Variants in EPHA7 observed in about 807,000 individuals in gnomAD.
The protein encoded by EPHA7 is EPH receptor A7, also known as ephrin type-A receptor 7.
Under a neutral mutation model 112.6 loss-of-function variants are expected in EPHA7, and 25 were observed. The observed-to-expected ratio is 0.22, with a 90% CI of 0.16 to 0.31. The LOEUF (loss-of-function observed/expected upper bound fraction) is 0.31, where lower values mean the gene tolerates loss of function less well. Ranked by LOEUF, EPHA7 falls within the 10% of genes least tolerant of loss-of-function variation. EPHA7 has a pLI of 1.00. For synonymous variants in EPHA7, 437 were observed against 406.5 expected, an observed-to-expected ratio of 1.07 and a Z score of -0.90; for missense variants, 962 against 1,212.6, an observed-to-expected ratio of 0.79 and a Z score of 3.07.
intron 5 of EPHA7, among the ~76,000 whole-genome samples, chr6:93,315,216 A>G (rs568367463): frequency 4.4e-4 from 67 of 152,314 alleles, no homozygotes; most frequent in Middle Eastern, 3.4e-3. Flanking sequence ...GTAAATATAT[A>G]TTATCAAAAT....
chr6:93,307,545 T>C (rs547388696), intron 5 of EPHA7, among the ~76,000 whole-genome samples: 1 of 152,248 alleles, frequency 6.6e-6, no homozygotes, highest in South Asian at 2.1e-4. Context: ...CAATGAAAAC[T>C]AAAAAATAAT....
At chr6:93,359,607 T>C (rs1229989851) in intron 3 of EPHA7, among the ~76,000 whole-genome samples, 3 of 152,000 alleles carry the variant, frequency 2.0e-5, no homozygotes, top group Non-Finnish European at 4.4e-5. Context: ...CTGCGGGGCA[T>C]GGAAAGCAAG....
intron 5 of EPHA7, among the ~76,000 whole-genome samples, chr6:93,302,491 A>G (rs1389057531): frequency 6.6e-6 from 1 of 152,006 alleles, no homozygotes; most frequent in Non-Finnish European, 1.5e-5. Context: ...ATTACTTCCT[A>G]TCATTCTCAC....
rs572762800 is a variant in EPHA7, at chr6:93,318,597, C to T, written c.1324+38120G>A. On this transcript the variant is annotated intron_variant, in intron 5 of 16. Transcript: ENST00000369303. The stretch of plus-strand genomic sequence containing the variant: ...TTTAAAGACAACTGCTTTTAATAAA[C>T]AGTAGACATAAAAGTACTATGTCAT... 1.4e-3 allele frequency among the ~76,000 whole-genome samples: 209 copies of T among 151,954 alleles called. 2 individuals carry two copies. The highest frequency in any genetic ancestry group is 4.9e-3 in the African/African-American group (204 of 41,470).
intron 3 of EPHA7, among the ~76,000 whole-genome samples, chr6:93,398,910 T>C (rs1008979981): frequency 1.3e-5 from 2 of 152,094 alleles, no homozygotes; most frequent in South Asian, 2.1e-4. Context: ...GTCAGGTTTA[T>C]TTTGCAAACT....
At chr6:93,394,764 A>T (rs1473841789) in intron 3 of EPHA7, among the ~76,000 whole-genome samples, 6 of 151,864 alleles carry the variant, frequency 4.0e-5, no homozygotes, top group Non-Finnish European at 8.8e-5. Context: ...AATTAGATGC[A>T]GATCTGTCCT....
In EPHA7 at chr6:93,419,257, C is replaced by T. The variant is rs1779409784; in HGVS notation, c.85G>A (p.Ala29Thr). 6.2e-7 allele frequency: 1 copy of T among 1,613,428 alleles called. No homozygotes were observed. Among genetic ancestry groups the T allele is most frequent in the Non-Finnish European group, 8.5e-7 (1 of 1,179,700 alleles). The change falls in exon 1 of 17, where the codon GCT becomes ACT. Residue 29 changes from alanine (A) to threonine (T), a missense_variant. By Grantham distance (58) the Ala-to-Thr change is moderately conservative. This residue lies in a region of EPHA7 where 56 missense variants were observed against 59.9 expected (regional missense o/e 0.94). Coordinates refer to ENST00000369303, the MANE Select transcript of EPHA7 (RefSeq NM_004440.4). ...LRFAHTGEAQ[A>T]AKEVLLLDSK... ...CCCATCACCTTACCTTCCTTCGCAG[C>T]CTGCGCCTCCCCTGTGTGTGCAAAG...
chr6:93,394,044 G>A (rs1778041026), intron 3 of EPHA7, among the ~76,000 whole-genome samples: 1 of 151,696 alleles, frequency 6.6e-6, no homozygotes, highest in African/African-American at 2.4e-5. Flanking sequence ...GTGTTTGCAT[G>A]TAATTGTGTC....
chr6:93,393,035 C>G (rs1015715300), intron 3 of EPHA7, among the ~76,000 whole-genome samples: 1 of 151,804 alleles, frequency 6.6e-6, no homozygotes, highest in Non-Finnish European at 1.5e-5. Context: ...AGAAAAAAAT[C>G]TCATTTCATT....
intron 3 of EPHA7, among the ~76,000 whole-genome samples, chr6:93,385,413 C>T (rs562201649): frequency 2.6e-5 from 4 of 152,068 alleles, no homozygotes; most frequent in South Asian, 2.1e-4. Flanking sequence ...TTTTAACTCC[C>T]GCAAAACTTG....
intron 9 of EPHA7, among the ~76,000 whole-genome samples, chr6:93,261,178 C>T (rs776345378): frequency 1.3e-5 from 2 of 151,484 alleles, no homozygotes; most frequent in Admixed American, 6.6e-5. Context: ...AATGTAAATT[C>T]GAATTGCTTC....
intron 5 of EPHA7, among the ~76,000 whole-genome samples, chr6:93,352,976 A>G (rs1775769318): frequency 6.6e-6 from 1 of 152,088 alleles, no homozygotes; most frequent in African/African-American, 2.4e-5. Context: ...AGCAAAAATA[A>G]CAAATGGGCA....
chr6:93,418,925 A>C (rs570804553), intron 1 of EPHA7, among the ~76,000 whole-genome samples: 1 of 152,262 alleles, frequency 6.6e-6, no homozygotes, highest in East Asian at 1.9e-4. Context: ...CTGAGGTACT[A>C]AGAAATAAGC....
At chr6:93,315,060 C>G (rs1411614263) in intron 5 of EPHA7, among the ~76,000 whole-genome samples, 17 of 146,788 alleles carry the variant, frequency 1.2e-4, no homozygotes, top group South Asian at 4.3e-4. Flanking sequence ...GACGGGGTTT[C>G]ACCGTGTTAG....
chr6:93,362,609 G>A (rs1246987260), intron 3 of EPHA7, among the ~76,000 whole-genome samples: 1 of 152,028 alleles, frequency 6.6e-6, no homozygotes, highest in African/African-American at 2.4e-5. Context: ...ATCCATAGTT[G>A]TCTTCAATAG....
Position 93,419,510 on chromosome 6 carries a change from C to T in EPHA7, c.-169G>A. ...AGCTTTTTTTAATTTCCCCCCCACTCCTGTTCGCTCGCACCGTGTTTGCTG... is the reference window on the plus strand; with the variant it reads ...AGCTTTTTTTAATTTCCCCCCCACTTCTGTTCGCTCGCACCGTGTTTGCTG... On this transcript the variant is annotated 5_prime_UTR_variant, in exon 1 of 17. Transcript: ENST00000369303. 1.7e-6 allele frequency: 1 copy of T among 578,382 alleles called. No individual in the cohort carries two copies. The highest frequency in any genetic ancestry group is 3.0e-6 in the Non-Finnish European group (1 of 333,042). 35.8% of individuals were successfully genotyped at this position (578,382 alleles called of 1,614,324 possible).
intron 5 of EPHA7, among the ~76,000 whole-genome samples, chr6:93,333,850 T>C (rs1255487228): frequency 6.6e-6 from 1 of 151,900 alleles, no homozygotes; most frequent in Non-Finnish European, 1.5e-5. Flanking sequence ...AAAATCAATA[T>C]TGTTAAAATG....
At chr6:93,391,092 T>C (rs1385000240) in intron 3 of EPHA7, among the ~76,000 whole-genome samples, 2 of 151,966 alleles carry the variant, frequency 1.3e-5, no homozygotes, top group Non-Finnish European at 2.9e-5. Flanking sequence ...TTGGTAATAA[T>C]TTAAATTGTC....
At chr6:93,286,331 G>A (rs963338435) in intron 5 of EPHA7, among the ~76,000 whole-genome samples, 4 of 152,216 alleles carry the variant, frequency 2.6e-5, no homozygotes, top group South Asian at 2.1e-4. Context: ...TAAGCAATGC[G>A]AATGCTCAGC....
Sources: allele counts gnomAD v4.1 joint callset (sites outside exome capture counted in the v4.1 genomes callset), GRCh38; gene constraint gnomAD v4.1.1; regional missense constraint gnomAD v4.1.1; transcripts MANE v1.5; gene names NCBI Gene and HGNC (gene_info 2026-07-23, HGNC 2026-07-21).